ARSH: variants seen among roughly 807,000 people sequenced by gnomAD.
ARSH encodes the protein arylsulfatase H.
A neutral mutation model predicts 28.7 loss-of-function variants in ARSH; 32 were observed. That is an observed-to-expected ratio of 1.11 (90% CI 0.84 to 1.50). The LOEUF is 1.50. Among genes scored for constraint, ARSH ranks in the 40% most tolerant of loss-of-function variants. ARSH has a pLI of 0.00. For missense variants in ARSH, 440 were observed against 452.4 expected (o/e 0.97, Z 0.25); for synonymous variants, 176 against 177.3 (o/e 0.99, Z 0.06).
chrX:3,025,647 C>T (rs2147460139), intron 6 of ARSH, among the ~76,000 whole-genome samples: 1 of 108,957 alleles, frequency 9.2e-6, no homozygotes, highest in African/African-American at 3.3e-5. Context: ...GCATTCACCT[C>T]CTCTGGCTTG....
intron 2 of ARSH, 36 bp from the exon 3 acceptor site, chrX:3,013,011 A>T (rs1391188644): frequency 2.5e-6 from 3 of 1,195,688 alleles, no homozygotes; most frequent in Non-Finnish European, 3.4e-6. Context: ...ATTAGCAAAG[A>T]CTATGGTGCT....
intron 1 of ARSH, among the ~76,000 whole-genome samples, chrX:3,008,442 C>CTTATT (rs2089835110): frequency 9.6e-6 from 1 of 104,012 alleles, no homozygotes; most frequent in Admixed American, 1.1e-4. Context: ...TGGTCTTCTT[C>CTTATT]TTCTTATTTT....
rs777733193 is a variant in ARSH, at chrX:3,027,403, A to G, written c.1127A>G (p.Asn376Ser). 17 of 1,209,738 alleles carry G rather than the reference A, an allele frequency of 1.4e-5. No individual in the cohort carries two copies. The Admixed American group carries it at 2.4e-4, about 17-fold the overall frequency. ...PSVLEAGRVINEPTSLMDIYP... is the reference protein window; with the variant it reads ...PSVLEAGRVISEPTSLMDIYP... ...GTCTTGGAGGCTGGGAGAGTGATCA[A>G]TGAGCCCACCAGCTTAATGGACATC... The change falls in exon 7 of 9, where the codon AAT (asparagine) becomes AGT (serine). Residue 376 changes from asparagine (N) to serine (S), a missense_variant. Transcript: ENST00000381130.
Position 3,015,273 on chromosome X carries a change from A to C in ARSH, c.644A>C (p.Tyr215Ser), listed in dbSNP as rs1288699387. ...FLFFTSWYSS[Y>S]GFTRRWNCIL... is the part of the protein sequence containing the mutation. Reference sequence around the variant, plus strand: ...TTTTTCACTTCCTGGTACTCTAGTTATGGATTTACTCGACGTTGGAATTGC... The same window carrying C: ...TTTTTCACTTCCTGGTACTCTAGTTCTGGATTTACTCGACGTTGGAATTGC... Residue 215 changes from tyrosine to serine, a missense_variant, in exon 4 of 9, where the codon TAT (tyrosine) becomes TCT (serine). By Grantham distance (144) the Tyr-to-Ser change is moderately radical (BLOSUM62 -2). Coordinates refer to ENST00000381130, the MANE Select transcript of ARSH (RefSeq NM_001011719.2). 2 of 1,209,300 alleles carry C rather than the reference A, an allele frequency of 1.7e-6. No individual in the cohort carries two copies. The highest frequency in any genetic ancestry group is 3.5e-5 in the African/African-American group (2 of 56,967).
chrX:3,015,420 C>T (rs750461595), intron 4 of ARSH, 27 bp downstream of exon 4: 1 of 1,180,482 alleles, frequency 8.5e-7, no homozygotes, highest in Non-Finnish European at 1.1e-6. Context: ...TGCCTGATTT[C>T]CTGCATGGAA....
intron 6 of ARSH, among the ~76,000 whole-genome samples, chrX:3,026,249 C>A (rs1356647731): frequency 9.0e-6 from 1 of 110,570 alleles, no homozygotes; most frequent in East Asian, 2.8e-4. Flanking sequence ...CTGCAGTGAG[C>A]TATGATTGCG....
intron 5 of ARSH, among the ~76,000 whole-genome samples, chrX:3,023,378 A>G (rs1177512198): frequency 9.5e-6 from 1 of 105,006 alleles, no homozygotes; most frequent in African/African-American, 3.4e-5. Context: ...TATAGTTAAT[A>G]TATTTTCCTA....
intron 6 of ARSH, among the ~76,000 whole-genome samples, chrX:3,025,270 C>T (rs2089895941): frequency 9.4e-6 from 1 of 106,000 alleles, no homozygotes; most frequent in Non-Finnish European, 1.9e-5. Context: ...TAATCCTGTA[C>T]ACATTCACTA....
At chrX:3,013,001 A>G (rs757108484) in intron 2 of ARSH, 46 bp from the exon 3 acceptor site, 47 of 1,176,132 alleles carry the variant, frequency 4.0e-5, no homozygotes, top group Non-Finnish European at 5.4e-5. Context: ...TAAATTCGGT[A>G]TTAGCAAAGA....
At chrX:3,029,096 A>G (rs2089906721) in intron 7 of ARSH, 151 bp from the exon 8 acceptor site, 9 of 672,546 alleles carry the variant, frequency 1.3e-5, no homozygotes, top group Admixed American at 3.5e-5. Context: ...AAAAAAAGAA[A>G]AAAGAAATTC....
intron 6 of ARSH, among the ~76,000 whole-genome samples, chrX:3,024,854 G>C (rs1396178687): frequency 9.0e-6 from 1 of 110,736 alleles, no homozygotes; most frequent in East Asian, 2.8e-4. Flanking sequence ...CATGCCAACA[G>C]AAAGAATAAT....
At chrX:3,017,047 CT>C (rs2089868196) in intron 4 of ARSH, among the ~76,000 whole-genome samples, 1 of 110,937 alleles carries the variant, frequency 9.0e-6, no homozygotes, top group East Asian at 2.9e-4. Context: ...TCATATGCCC[CT>C]GTGCCCATCA....
rs760992152 is a variant in ARSH at position 3,027,261 on chromosome X, A to G, written c.1037-52A>G. 9 of 1,187,077 alleles carry G rather than the reference A, an allele frequency of 7.6e-6. No homozygotes were observed. The Admixed American group carries it at 1.6e-4, about 20-fold the overall frequency. On this transcript the variant is annotated intron_variant, in intron 6 of 8. Coordinates refer to ENST00000381130, the MANE Select transcript of ARSH (RefSeq NM_001011719.2). Reference sequence around the variant, plus strand: ...AGGCGTGAGCCACCGTGCCCGGCCAATATGGTTGGGTTTTAACTCATCTTT... The same window carrying G: ...AGGCGTGAGCCACCGTGCCCGGCCAGTATGGTTGGGTTTTAACTCATCTTT...
chrX:3,029,160 C>T, intron 7 of ARSH, 87 bp from the exon 8 acceptor site: 1 of 992,408 alleles, frequency 1.0e-6, no homozygotes, highest in South Asian at 3.3e-5. Context: ...TCCTCCTCCT[C>T]CTCCTCCTCC....
intron 6 of ARSH, among the ~76,000 whole-genome samples, chrX:3,026,793 T>A (rs2089899788): frequency 8.9e-6 from 1 of 112,245 alleles, no homozygotes; most frequent in African/African-American, 3.2e-5. Context: ...GTTTTTTAGC[T>A]TGTTCCTCAA....
chrX:3,010,104 C>G lies in ARSH; in HGVS notation c.167C>G (p.Thr56Ser). ...CATCTCGCAGCTGCTTCCATGTGCA[C>G]CCCAAGTCGGGCTGCCTTCCTGACC... is the stretch of plus-strand genomic sequence containing the variant. ...TQHLAAASMC[T>S]PSRAAFLTGR... Residue 56 changes from threonine (T) to serine (S), a missense_variant, in exon 2 of 9, where the codon ACC becomes AGC. Physicochemically the swap from Thr to Ser is moderately conservative, Grantham distance 58. Transcript: ENST00000381130. 8.3e-7 allele frequency: 1 copy of G among 1,211,475 alleles called. No individual in the cohort carries two copies. Among genetic ancestry groups the G allele is most frequent in the Non-Finnish European group, 1.1e-6 (1 of 895,238 alleles).
At chrX:3,016,309 C>T (rs750653867) in intron 4 of ARSH, among the ~76,000 whole-genome samples, 2 of 111,260 alleles carry the variant, frequency 1.8e-5, no homozygotes, top group South Asian at 7.6e-4. Flanking sequence ...CCACTTACCC[C>T]TTTTTAAAAA....
chrX:3,014,963 C>T lies in ARSH; in HGVS notation c.341-7C>T, dbSNP rs895331258. On this transcript the variant is annotated splice_region_variant and splice_polypyrimidine_tract_variant and intron_variant, in intron 3 of 8. Transcript: ENST00000381130. ...GCTGCCATGGTACGATTTTATTTTA[C>T]TTTTAGGCAAATGGCACCTGGGTTT... 1 of 1,205,289 alleles carries T rather than the reference C, an allele frequency of 8.3e-7. No homozygotes were observed. Among genetic ancestry groups the T allele is most frequent in the Non-Finnish European group, 1.1e-6 (1 of 891,459 alleles).
chrX:3,010,455 C>G (rs1229252427), intron 2 of ARSH, among the ~76,000 whole-genome samples: 1 of 111,700 alleles, frequency 9.0e-6, no homozygotes, highest in Non-Finnish European at 1.9e-5. Context: ...CCCCTGATGT[C>G]TTTAAGCTAG....
Sources: gnomAD v4.1 joint callset for allele counts (sites outside exome capture counted in the v4.1 genomes callset) on GRCh38, gnomAD v4.1.1 for gene constraint, MANE v1.5 for transcripts, NCBI Gene and HGNC (gene_info 2026-07-23, HGNC 2026-07-21) for gene names.